Variants in TMEM143 observed in about 807,000 individuals in gnomAD.
The protein encoded by TMEM143 is transmembrane protein 143.
In TMEM143, 45 loss-of-function variants were observed where a neutral mutation model predicts 40.3. The ratio of observed to expected loss-of-function variants is 1.12; its 90% CI spans 0.88 to 1.43. The LOEUF (loss-of-function observed/expected upper bound fraction) is 1.43, where lower values mean the gene tolerates loss of function less well. TMEM143 is among the 40% of genes most tolerant of loss of function. The pLI is 0.00. For synonymous variants in TMEM143, 299 were observed against 282.7 expected, an observed-to-expected ratio of 1.06 and a Z score of -0.58; for missense variants, 620 against 613.4, an observed-to-expected ratio of 1.01 and a Z score of -0.11.
intron 3 of TMEM143, among the ~76,000 whole-genome samples, chr19:48,358,380 T>C (rs1969958832): frequency 6.7e-6 from 1 of 149,022 alleles, no homozygotes; most frequent in South Asian, 2.1e-4. Context: ...TGAGACTCTG[T>C]CTCAGAAAAA....
chr19:48,333,261 A>C lies in TMEM143; in HGVS notation c.1338T>G (p.Thr446=). Residue 446 remains threonine, a synonymous_variant, in exon 8 of 8, where the codon ACT becomes ACG. Coordinates refer to ENST00000293261, the MANE Select transcript of TMEM143 (RefSeq NM_018273.4). This position sits in a 1 kb window ranked among gnomAD's most constrained non-coding sequence, Gnocchi z 4.1. ...TGGGCGTGGCTTGCGGGGGCTCGGA[A>C]GTGATCGGAGCCACTGGGTCTAGTT... ...FPKLDPVAPI[T]SEPPQATPSS... 1 of 1,521,594 alleles carries C rather than the reference A, an allele frequency of 6.6e-7. No individual in the cohort carries two copies. Among genetic ancestry groups the C allele is most frequent in the East Asian group, 2.3e-5 (1 of 42,624 alleles). 94.3% of individuals were successfully genotyped at this position (1,521,594 alleles called of 1,614,324 possible).
chr19:48,354,405 T>C (rs1969841796), intron 3 of TMEM143, among the ~76,000 whole-genome samples: 1 of 145,068 alleles, frequency 6.9e-6, no homozygotes, highest in African/African-American at 2.6e-5. Flanking sequence ...GCTGGGACTA[T>C]AGGCACCCGC....
In TMEM143 at chr19:48,345,210, C is replaced by T. The variant is rs779804424; in HGVS notation, c.514G>A (p.Asp172Asn). The change falls in exon 4 of 8, where the codon GAC (aspartate) becomes AAC (asparagine). Residue 172 changes from aspartate to asparagine, a missense_variant. Coordinates refer to ENST00000293261, the MANE Select transcript of TMEM143 (RefSeq NM_018273.4). ...AQANFSPLSE[D>N]TLAYALVVHH... Reference sequence around the variant, plus strand: ...ACCACCAGCGCGTAGGCCAGGGTGTCCTCAGACAGCGGGGAGAAGTTGGCC... The same window carrying T: ...ACCACCAGCGCGTAGGCCAGGGTGTTCTCAGACAGCGGGGAGAAGTTGGCC... 11 of 1,613,498 alleles carry T rather than the reference C, an allele frequency of 6.8e-6. No homozygotes were observed. In the South Asian group the frequency reaches 7.7e-5, roughly 11 times the overall value.
chr19:48,340,376 C>T (rs1385505428), intron 6 of TMEM143, among the ~76,000 whole-genome samples: 33 of 152,128 alleles, frequency 2.2e-4, no homozygotes, highest in African/African-American at 6.5e-4. Context: ...CCACCCGCCT[C>T]GGCCTCCCAA....
intron 3 of TMEM143, among the ~76,000 whole-genome samples, chr19:48,358,595 C>A (rs1271876554): frequency 6.6e-6 from 1 of 152,060 alleles, no homozygotes; most frequent in Non-Finnish European, 1.5e-5. Context: ...CTCTTCCTCC[C>A]CAGAACACCC....
Position 48,363,492 on chromosome 19 carries a change from C to T in TMEM143, c.63G>A (p.Arg21=). Residue 21 remains arginine, a synonymous_variant, in exon 2 of 8, where the codon CGG becomes CGA. Transcript: ENST00000293261. The part of the protein sequence containing the change: ...GKGLAMLHVT[R]GVWGSRVRVW... The stretch of plus-strand genomic sequence containing the variant: ...CTCGGACCCTGGACCCCCAGACCCC[C>T]CGGGTCACATGCAGCATGGCTAGAC... The T allele has an allele frequency of 1.2e-6, 2 of 1,613,838 alleles. No individual in the cohort carries two copies. The highest frequency in any genetic ancestry group is 1.7e-6 in the Non-Finnish European group (2 of 1,179,944).
intron 2 of TMEM143, among the ~76,000 whole-genome samples, chr19:48,360,917 G>A (rs1970026160): frequency 1.3e-5 from 2 of 152,032 alleles, no homozygotes; most frequent in Admixed American, 6.6e-5. Flanking sequence ...CTCCTGAGTA[G>A]CTAAGACTAC....
At chr19:48,334,220 T>C in intron 6 of TMEM143, 23 bp from the exon 7 acceptor site, 2 of 1,572,204 alleles carry the variant, frequency 1.3e-6, no homozygotes, top group Non-Finnish European at 1.7e-6. Flanking sequence ...CAGCGCCCCG[T>C]GGGCTCAGTT....
chr19:48,360,262 C>T, intron 2 of TMEM143, 86 bp from the exon 3 acceptor site: 1 of 1,319,856 alleles, frequency 7.6e-7, no homozygotes, highest in Non-Finnish European at 1.1e-6. Flanking sequence ...CCTAACTACA[C>T]AATCAGAGCT....
chr19:48,343,340 T>A lies in TMEM143; in HGVS notation c.676A>T (p.Lys226Ter). The A allele has an allele frequency of 6.2e-7, 1 of 1,611,002 alleles. No individual in the cohort carries two copies. The highest frequency in any genetic ancestry group is 8.5e-7 in the Non-Finnish European group (1 of 1,179,288). Reference sequence around the variant, plus strand: ...CCTCACCTCTCCGCAGGGGGCAGCTTGGTGAAGAAGCCACGCCTGGAGCCC... The same window carrying A: ...CCTCACCTCTCCGCAGGGGGCAGCTAGGTGAAGAAGCCACGCCTGGAGCCC... ...SVGSRRGFFT[K>*]LPPAERRYFK... Residue 226 changes from lysine to a stop codon, truncating the protein, a stop_gained, in exon 5 of 8, where the codon AAG (lysine) becomes TAG (stop). Coordinates refer to ENST00000293261, the MANE Select transcript of TMEM143 (RefSeq NM_018273.4). LOFTEE classifies it high-confidence loss of function.
At chr19:48,344,363 A>C (rs1004232426) in intron 4 of TMEM143, among the ~76,000 whole-genome samples, 2 of 149,770 alleles carry the variant, frequency 1.3e-5, no homozygotes, top group Non-Finnish European at 3.0e-5. Flanking sequence ...CTGACAGCTC[A>C]CTGCAGCCTT....
At chr19:48,348,330 A>G (rs1600911653) in intron 3 of TMEM143, among the ~76,000 whole-genome samples, 2 of 152,064 alleles carry the variant, frequency 1.3e-5, no homozygotes, top group African/African-American at 4.8e-5. Flanking sequence ...CCCTGTCACA[A>G]TAAATCCTGC....
chr19:48,343,851 A>C (rs1396759247), intron 4 of TMEM143, among the ~76,000 whole-genome samples: 1 of 152,126 alleles, frequency 6.6e-6, no homozygotes, highest in African/African-American at 2.4e-5. Context: ...AAAATGTGGA[A>C]TTTGGGGAGA....
rs1414719146 is a variant in TMEM143 at position 48,334,551 on chromosome 19, TTTTCTTC to T, written c.976-361_976-355del. Among the ~76,000 whole-genome samples, 1,318 of 148,492 alleles carry T rather than the reference TTTTCTTC, an allele frequency of 8.9e-3. 40 individuals carry two copies. Among genetic ancestry groups the T allele is most frequent in the African/African-American group, 0.032 (1,253 of 38,986 alleles). On this transcript the variant is annotated intron_variant, in intron 6 of 7. Coordinates refer to ENST00000293261, the MANE Select transcript of TMEM143 (RefSeq NM_018273.4). The stretch of plus-strand genomic sequence containing the variant: ...TCTTTCTTTTCTTTTCTTTCTTTCT[TTTTCTTC>T]CTTCCTTCCTTTCTTTCTTTTCTTT...
intron 3 of TMEM143, among the ~76,000 whole-genome samples, chr19:48,347,846 G>A (rs887039501): frequency 7.1e-5 from 9 of 126,268 alleles, no homozygotes; most frequent in African/African-American, 1.7e-4. Context: ...GTGAGCCACC[G>A]CATCTGGTCT....
In TMEM143 at chr19:48,332,952, T is replaced by C. The variant is rs2147349425; in HGVS notation, c.*267A>G. 1 of 305,548 alleles carries C rather than the reference T, an allele frequency of 3.3e-6. No individual in the cohort carries two copies. Among genetic ancestry groups the C allele is most frequent in the East Asian group, 5.4e-5 (1 of 18,414 alleles). The allele number at this position is 305,548 out of a possible 1,614,324, so 18.9% of individuals were successfully genotyped here. A position where few individuals can be genotyped will look rare whatever the true frequency, so the allele number is the denominator to read the frequency against. ...TCCTCAGCCAAACCACACTTGGATG[T>C]TTATGGTGAGGGTGGGACTAAGAAA... On this transcript the variant is annotated 3_prime_UTR_variant, in exon 8 of 8. Transcript: ENST00000293261.
chr19:48,335,743 A>AATG (rs1485635690), intron 6 of TMEM143, among the ~76,000 whole-genome samples: 1 of 151,860 alleles, frequency 6.6e-6, no homozygotes, highest in Non-Finnish European at 1.5e-5. Context: ...TAATAATAAT[A>AATG]ATTAGCTGGG....
At chr19:48,334,470 CTTTCTTTCTTTT>C (rs1211476565) in intron 6 of TMEM143, among the ~76,000 whole-genome samples, 1 of 43,714 alleles carries the variant, frequency 2.3e-5, no homozygotes, top group Non-Finnish European at 5.6e-5. Flanking sequence ...TTCTTTCTTT[CTTTCTTTCTTTT>C]TCTTTCTTTC....
At chr19:48,363,167 G>A in intron 2 of TMEM143, 124 bp downstream of exon 2, 1 of 1,343,914 alleles carries the variant, frequency 7.4e-7, no homozygotes, top group East Asian at 2.6e-5. Flanking sequence ...AAACACGAAG[G>A]GACCCGGGAA....
Sources: allele counts gnomAD v4.1 joint callset (sites outside exome capture counted in the v4.1 genomes callset), GRCh38; gene constraint gnomAD v4.1.1; non-coding constraint Gnocchi (gnomAD v3.1); transcripts MANE v1.5; gene names NCBI Gene and HGNC (gene_info 2026-07-23, HGNC 2026-07-21).